Variants in LMOD1 observed in about 807,000 individuals in gnomAD.
The protein encoded by LMOD1 is leiomodin 1, also known as leiomodin-1.
In LMOD1, 8 loss-of-function variants were observed where a neutral mutation model predicts 36.5. The observed-to-expected ratio is 0.22, with a 90% CI of 0.13 to 0.40. LMOD1 has a LOEUF of 0.40. Among genes scored for constraint, LMOD1 ranks in the 10% least tolerant of loss-of-function variants. The pLI, the probability that LMOD1 is intolerant of heterozygous loss-of-function variation, is 1.00. For missense variants in LMOD1, 630 were observed against 751.1 expected, an observed-to-expected ratio of 0.84 and a Z score of 1.88; for synonymous variants, 284 against 288.7, an observed-to-expected ratio of 0.98 and a Z score of 0.17.
At chr1:201,926,085 A>G (rs1681821861) in intron 1 of LMOD1, among the ~76,000 whole-genome samples, 1 of 152,162 alleles carries the variant, frequency 6.6e-6, no homozygotes, top group African/African-American at 2.4e-5. Context: ...TGCTCTATCT[A>G]TACTGCATAC....
intron 1 of LMOD1, among the ~76,000 whole-genome samples, chr1:201,944,596 A>G (rs903372452): frequency 6.6e-6 from 1 of 152,034 alleles, no homozygotes; most frequent in African/African-American, 2.4e-5. Context: ...TTTTGGTTTT[A>G]TTTATCATTA....
At chr1:201,901,536 A>ATATATATATACACATATATATATGTG (rs1558234623) in intron 1 of LMOD1, among the ~76,000 whole-genome samples, 6 of 44,606 alleles carry the variant, frequency 1.3e-4, no homozygotes, top group African/African-American at 4.8e-4. Flanking sequence ...ATATGTATAT[A>ATATATATATACACATATATATATGTG]TATATATATA....
In LMOD1 at chr1:201,900,469, C is replaced by T; in HGVS notation, c.544G>A (p.Ala182Thr). 1 of 1,611,724 alleles carries T rather than the reference C, an allele frequency of 6.2e-7. No homozygotes were observed. Among genetic ancestry groups the T allele is most frequent in the Non-Finnish European group, 8.5e-7 (1 of 1,178,780 alleles). The change falls in exon 2 of 3, where the codon GCA (alanine) becomes ACA (threonine). Residue 182 changes from alanine (A) to threonine (T), a missense_variant. By Grantham distance (58) the Ala-to-Thr change is moderately conservative (BLOSUM62 0). Coordinates refer to ENST00000367288, the MANE Select transcript of LMOD1 (RefSeq NM_012134.3). ...AGKDGRGEER[A>T]VATKKEEEKK... is the part of the protein sequence containing the mutation. Reference sequence around the variant, plus strand: ...TCCTCTTCCTTCTTGGTGGCCACTGCCCTCTCCTCTCCTCTCCCATCCTTC... The same window carrying T: ...TCCTCTTCCTTCTTGGTGGCCACTGTCCTCTCCTCTCCTCTCCCATCCTTC...
At chr1:201,937,075 CAT>C (rs1400250807) in intron 1 of LMOD1, among the ~76,000 whole-genome samples, 1 of 152,186 alleles carries the variant, frequency 6.6e-6, no homozygotes, top group Non-Finnish European at 1.5e-5. Context: ...AGATATATGT[CAT>C]ATGTTACATG....
intron 1 of LMOD1, among the ~76,000 whole-genome samples, chr1:201,909,565 G>A (rs1342557641): frequency 6.6e-6 from 1 of 151,898 alleles, no homozygotes; most frequent in Non-Finnish European, 1.5e-5. Flanking sequence ...ATTTCTGAAG[G>A]GCATGGTCCC....
intron 1 of LMOD1, among the ~76,000 whole-genome samples, chr1:201,936,074 C>G (rs993406739): frequency 3.8e-4 from 53 of 141,248 alleles, no homozygotes; most frequent in African/African-American, 1.4e-3. Flanking sequence ...GAGATCACAC[C>G]ATTGCACTCC....
intron 1 of LMOD1, among the ~76,000 whole-genome samples, chr1:201,914,934 C>T (rs1175499033): frequency 6.6e-6 from 1 of 152,124 alleles, no homozygotes; most frequent in African/African-American, 2.4e-5. Context: ...CCAGCCTTCC[C>T]GTATACCCAA....
At chr1:201,920,538 T>C (rs1271943832) in intron 1 of LMOD1, among the ~76,000 whole-genome samples, 1 of 151,996 alleles carries the variant, frequency 6.6e-6, no homozygotes, top group Non-Finnish European at 1.5e-5. Context: ...AAGTCAATCA[T>C]AGTTGAGAAA....
At chr1:201,945,769 T>C (rs911217386) in intron 1 of LMOD1, among the ~76,000 whole-genome samples, 5 of 152,162 alleles carry the variant, frequency 3.3e-5, no homozygotes, top group Non-Finnish European at 5.9e-5. Context: ...AAAGGTATTG[T>C]GGGACCAGGA....
In LMOD1 at chr1:201,899,501, C is replaced by A; in HGVS notation, c.1512G>T (p.Val504=). The A allele has an allele frequency of 1.2e-6, 2 of 1,613,980 alleles. No individual in the cohort carries two copies. Among genetic ancestry groups the A allele is most frequent in the Middle Eastern group, 1.6e-4 (1 of 6,062 alleles). Residue 504 remains valine, a synonymous_variant, in exon 2 of 3, where the codon GTG becomes GTT. Transcript: ENST00000367288. The surrounding 1 kb of genome is among the most constrained non-coding windows in gnomAD (Gnocchi z 6.3). The part of the protein sequence containing the change: ...DLLEVPKAGA[V]AKGSPKPSPQ... ...GTGAAGGTTTTGGGGAGCCCTTAGCCACGGCCCCGGCCTTGGGTACCTCCA... is the reference window on the plus strand; with the variant it reads ...GTGAAGGTTTTGGGGAGCCCTTAGCAACGGCCCCGGCCTTGGGTACCTCCA...
intron 1 of LMOD1, among the ~76,000 whole-genome samples, chr1:201,929,297 G>A (rs1342520057): frequency 6.6e-6 from 1 of 151,520 alleles, no homozygotes; most frequent in Non-Finnish European, 1.5e-5. Context: ...GATCAGGCTG[G>A]TCTCAAACTT....
intron 1 of LMOD1, among the ~76,000 whole-genome samples, chr1:201,917,698 C>G (rs1057034740): frequency 6.6e-6 from 1 of 152,228 alleles, no homozygotes; most frequent in Admixed American, 6.5e-5. Flanking sequence ...CTTTCTGCTT[C>G]TTCATTTTAT....
intron 1 of LMOD1, among the ~76,000 whole-genome samples, chr1:201,909,101 G>A (rs1015166559): frequency 6.6e-6 from 1 of 152,200 alleles, no homozygotes; most frequent in Non-Finnish European, 1.5e-5. Flanking sequence ...GAGAAGCTAA[G>A]GCCCATGCAG....
chr1:201,900,284 A>C lies in LMOD1; in HGVS notation c.729T>G (p.Gly243=), dbSNP rs1681275550. Residue 243 remains glycine (G), a synonymous_variant, in exon 2 of 3, where the codon GGT becomes GGG. Transcript: ENST00000367288. The part of the protein sequence containing the change: ...RKEGEKMKRA[G]GNTDMKKEDE... ...CCTCCTTTTTCATGTCTGTGTTCCC[A>C]CCTGCTCTTTTCATCTTCTCACCCT... The C allele has an allele frequency of 6.2e-7, 1 of 1,608,822 alleles. No homozygotes were observed. Among genetic ancestry groups the C allele is most frequent in the African/African-American group, 1.4e-5 (1 of 73,996 alleles).
intron 1 of LMOD1, among the ~76,000 whole-genome samples, chr1:201,902,502 G>A (rs1453141188): frequency 6.6e-6 from 1 of 152,006 alleles, no homozygotes; most frequent in Non-Finnish European, 1.5e-5. Flanking sequence ...GGTGGAGTGT[G>A]ATGGCGCAAT....
At chr1:201,908,705 A>T (rs1415293376) in intron 1 of LMOD1, among the ~76,000 whole-genome samples, 3 of 152,042 alleles carry the variant, frequency 2.0e-5, no homozygotes, top group Non-Finnish European at 2.9e-5. Context: ...GAGTAAGAAC[A>T]CTCAGCAAGG....
intron 1 of LMOD1, among the ~76,000 whole-genome samples, chr1:201,941,736 G>C (rs1682121723): frequency 6.6e-6 from 1 of 152,220 alleles, no homozygotes; most frequent in Non-Finnish European, 1.5e-5. Flanking sequence ...AGGTCAGGAG[G>C]GCTCAGGCCC....
intron 1 of LMOD1, among the ~76,000 whole-genome samples, chr1:201,940,420 C>T (rs1045726831): frequency 8.6e-5 from 13 of 151,578 alleles, no homozygotes; most frequent in South Asian, 2.1e-4. Flanking sequence ...CTCTTGATCT[C>T]GTGATCCACC....
At chr1:201,919,850 C>T (rs991255359) in intron 1 of LMOD1, among the ~76,000 whole-genome samples, 2 of 152,136 alleles carry the variant, frequency 1.3e-5, no homozygotes, top group Non-Finnish European at 2.9e-5. Flanking sequence ...TATCCTACTA[C>T]AGGCCTCCAG....
Sources: allele counts gnomAD v4.1 joint callset (sites outside exome capture counted in the v4.1 genomes callset), GRCh38; gene constraint gnomAD v4.1.1; non-coding constraint Gnocchi (gnomAD v3.1); transcripts MANE v1.5; gene names NCBI Gene and HGNC (gene_info 2026-07-23, HGNC 2026-07-21).